RAB11FIP4: variants seen among roughly 807,000 people sequenced by gnomAD.
RAB11FIP4 encodes rab11 family-interacting protein 4.
RAB11FIP4 carries 23 observed loss-of-function variants against 74.3 expected under a neutral mutation model. That is an observed-to-expected ratio of 0.31 (90% CI 0.22 to 0.44). The LOEUF (loss-of-function observed/expected upper bound fraction) is 0.44. RAB11FIP4 is among the 20% of genes least tolerant of loss of function. The pLI, the probability that RAB11FIP4 is intolerant of heterozygous loss-of-function variation, is 1.00. For missense variants in RAB11FIP4, 630 were observed against 863.9 expected, an observed-to-expected ratio of 0.73 and a Z score of 3.39; for synonymous variants, 360 against 359.9, an observed-to-expected ratio of 1.00 and a Z score of 0.00.
At chr17:31,494,501 C>G (rs1164934822) in intron 3 of RAB11FIP4, among the ~76,000 whole-genome samples, 5 of 152,160 alleles carry the variant, frequency 3.3e-5, no homozygotes, top group Non-Finnish European at 5.9e-5. Context: ...AACAGAATGT[C>G]TTGCCGGGGA....
rs144531169 is a variant in RAB11FIP4, at chr17:31,487,424, T to C, written c.337-30227T>C. The stretch of plus-strand genomic sequence containing the variant: ...CCTGAGGACACATGTTTGACATAAA[T>C]AGTATTTACTAGCATTCAACAGGAA... On this transcript the variant is annotated intron_variant, in intron 3 of 14. Coordinates refer to ENST00000621161, the MANE Select transcript of RAB11FIP4 (RefSeq NM_032932.6). Among the ~76,000 whole-genome samples the C allele has an allele frequency of 5.5e-4, 84 of 152,034 alleles. 2 individuals are homozygous for C. In the East Asian group the frequency reaches 0.013, roughly 23 times the overall value.
At chr17:31,431,782 T>C (rs1365414278) in intron 1 of RAB11FIP4, 31 bp from the exon 2 acceptor site, 15 of 1,483,536 alleles carry the variant, frequency 1.0e-5, no homozygotes, top group Non-Finnish European at 1.4e-5. Context: ...TCCTTGGGTG[T>C]CTCACACCTG....
intron 3 of RAB11FIP4, among the ~76,000 whole-genome samples, chr17:31,503,729 A>G (rs1317964785): frequency 1.3e-5 from 2 of 149,580 alleles, no homozygotes; most frequent in Non-Finnish European, 2.9e-5. Context: ...TTCTGTTCTC[A>G]TTTCATCCTT....
rs772181368 is a variant in RAB11FIP4, at chr17:31,523,569, C to T, written c.987C>T (p.Phe329=). ...GCAATGGCAGCACCGAAGACCTGTT[C>T]CGGGACAGCATTGACTCTTGCGACA... ...SSSNGSTEDL[F]RDSIDSCDND... Residue 329 remains phenylalanine (F), a synonymous_variant, in exon 8 of 15, where the codon TTC becomes TTT. Coordinates refer to ENST00000621161, the MANE Select transcript of RAB11FIP4 (RefSeq NM_032932.6). The T allele has an allele frequency of 6.2e-7, 1 of 1,614,134 alleles. No homozygotes were observed. Among genetic ancestry groups the T allele is most frequent in the South Asian group, 1.1e-5 (1 of 91,080 alleles).
At chr17:31,513,802 A>C (rs1288245550) in intron 3 of RAB11FIP4, among the ~76,000 whole-genome samples, 2 of 152,160 alleles carry the variant, frequency 1.3e-5, no homozygotes, top group East Asian at 1.9e-4. Flanking sequence ...GTGTGTGCGC[A>C]TGTGTGGCCA....
intron 3 of RAB11FIP4, among the ~76,000 whole-genome samples, chr17:31,476,097 G>T (rs1352734814): frequency 1.3e-5 from 2 of 149,016 alleles, no homozygotes; most frequent in African/African-American, 4.9e-5. Context: ...AGGGGCAATG[G>T]TTCAGTATTC....
intron 1 of RAB11FIP4, among the ~76,000 whole-genome samples, chr17:31,407,478 A>T (rs568150145): frequency 1.6e-4 from 25 of 152,306 alleles, no homozygotes; most frequent in Admixed American, 3.3e-4. Context: ...TAAATACTTG[A>T]CAGTTTCCTG....
chr17:31,453,198 A>G (rs1263279937), intron 3 of RAB11FIP4, among the ~76,000 whole-genome samples: 2 of 152,036 alleles, frequency 1.3e-5, no homozygotes, highest in African/African-American at 4.8e-5. Flanking sequence ...AAAAAAATTA[A>G]AAAGTAGCCA....
intron 1 of RAB11FIP4, among the ~76,000 whole-genome samples, chr17:31,410,217 C>T (rs1042091314): frequency 3.9e-5 from 6 of 151,906 alleles, no homozygotes; most frequent in African/African-American, 1.5e-4. Context: ...GGAAGTTCTG[C>T]GCTGGTTATA....
rs1452706331 is a variant in RAB11FIP4 at position 31,495,700 on chromosome 17, C to G, written c.337-21951C>G. 2.6e-5 allele frequency among the ~76,000 whole-genome samples: 4 copies of G among 152,288 alleles called. No homozygotes were observed. In the East Asian group the frequency reaches 7.7e-4, roughly 29 times the overall value. Reference sequence around the variant, plus strand: ...TTAGGCAACCTTGAATTGATGGTCTCCTGGTGAAATGAGGGTTCTTGTTGA... The same window carrying G: ...TTAGGCAACCTTGAATTGATGGTCTGCTGGTGAAATGAGGGTTCTTGTTGA... On this transcript the variant is annotated intron_variant, in intron 3 of 14. Transcript: ENST00000621161.
chr17:31,401,997 A>G (rs1292069346), intron 1 of RAB11FIP4, among the ~76,000 whole-genome samples: 2 of 151,974 alleles, frequency 1.3e-5, no homozygotes, highest in African/African-American at 4.8e-5. Context: ...GCATCCACTT[A>G]CCCATCCATC....
chr17:31,517,950 AG>A (rs2072592105), intron 4 of RAB11FIP4, 73 bp downstream of exon 4: 3 of 1,255,512 alleles, frequency 2.4e-6, no homozygotes, highest in Non-Finnish European at 3.4e-6. Context: ...AAGTGTCTCC[AG>A]GAAGTAAATT....
chr17:31,425,171 T>C (rs142836561), intron 1 of RAB11FIP4, among the ~76,000 whole-genome samples: 78 of 152,294 alleles, frequency 5.1e-4, no homozygotes, highest in African/African-American at 1.9e-3. Flanking sequence ...CCCTGTAAAA[T>C]GGGAATAATA....
chr17:31,427,765 C>T (rs954830382), intron 1 of RAB11FIP4, among the ~76,000 whole-genome samples: 1 of 152,204 alleles, frequency 6.6e-6, no homozygotes, highest in Non-Finnish European at 1.5e-5. Flanking sequence ...CCTATAATGC[C>T]AGCGATGCAA....
chr17:31,507,803 G>A (rs1471469447), intron 3 of RAB11FIP4, among the ~76,000 whole-genome samples: 1 of 151,912 alleles, frequency 6.6e-6, no homozygotes, highest in Admixed American at 6.6e-5. Flanking sequence ...TAGATTTTTA[G>A]TAATATGTTT....
At chr17:31,524,053 T>C in intron 9 of RAB11FIP4, 57 bp downstream of exon 9, 2 of 1,306,688 alleles carry the variant, frequency 1.5e-6, no homozygotes. Context: ...CAAAGGGGGG[T>C]CCATCTTGCT....
In RAB11FIP4 at chr17:31,535,927, C is replaced by G. The variant is rs1299776444; in HGVS notation, c.*4195C>G. 1 of 151,268 alleles carries G rather than the reference C, an allele frequency of 6.6e-6. No homozygotes were observed. The highest frequency in any genetic ancestry group is 2.4e-5 in the African/African-American group (1 of 41,046). The allele number at this position is 151,268 out of a possible 1,614,324, so 9.4% of individuals were successfully genotyped here. ...GTTTTGCTTCTGGTCTGTTTCCTGA[C>G]TGGGTTGATAAAGGGAGTCCCAGCT... On this transcript the variant is annotated 3_prime_UTR_variant, in exon 15 of 15. Coordinates refer to ENST00000621161, the MANE Select transcript of RAB11FIP4 (RefSeq NM_032932.6).
At position 31,430,458 on chromosome 17, in the gene RAB11FIP4, T is replaced by C. The variant is rs896160399; in HGVS notation, c.160-1355T>C. 2.0e-5 allele frequency among the ~76,000 whole-genome samples: 3 copies of C among 149,058 alleles called. No individual in the cohort carries two copies. In the Admixed American group the frequency reaches 2.0e-4, roughly 10 times the overall value. ...ATGCAACCTCTGCCTCCCAGGTTCA[T>C]GCCATTCTCCTGCCTCAGCCTCCCG... On this transcript the variant is annotated intron_variant, in intron 1 of 14. Transcript: ENST00000621161.
Position 31,468,353 on chromosome 17 carries a change from G to A in RAB11FIP4, c.336+34231G>A, listed in dbSNP as rs1343543613. Among the ~76,000 whole-genome samples, 5 of 152,234 alleles carry A rather than the reference G, an allele frequency of 3.3e-5. No individual in the cohort carries two copies. In the South Asian group the frequency reaches 8.3e-4, roughly 25 times the overall value. On this transcript the variant is annotated intron_variant, in intron 3 of 14. Transcript: ENST00000621161. ...CTTTCCTTAGATTTGAGAGGCCTGGGGCAGAGTGGAGAGGGCTTTGGTCCT... is the reference window on the plus strand; with the variant it reads ...CTTTCCTTAGATTTGAGAGGCCTGGAGCAGAGTGGAGAGGGCTTTGGTCCT...
Sources: allele counts gnomAD v4.1 joint callset (sites outside exome capture counted in the v4.1 genomes callset), GRCh38; gene constraint gnomAD v4.1.1; transcripts MANE v1.5; gene names NCBI Gene and HGNC (gene_info 2026-07-23, HGNC 2026-07-21).